The following NDUFAF1 variants were observed in gnomAD, a reference collection of about 807,000 sequenced individuals.
NDUFAF1 encodes NADH:ubiquinone oxidoreductase complex assembly factor 1, also known as complex I intermediate-associated protein 30, mitochondrial.
NDUFAF1 carries 18 observed loss-of-function variants against 28.7 expected under a neutral mutation model. That is an observed-to-expected ratio of 0.63 (90% CI 0.43 to 0.93). The LOEUF is 0.93. NDUFAF1 is among the 40% of genes least tolerant of loss of function. NDUFAF1 has a pLI of 0.00. For missense variants in NDUFAF1, 404 were observed against 398.3 expected, an observed-to-expected ratio of 1.01 and a Z score of -0.12; for synonymous variants, 113 against 139.7, an observed-to-expected ratio of 0.81 and a Z score of 1.35.
intron 3 of NDUFAF1, among the ~76,000 whole-genome samples, chr15:41,393,605 T>C (rs2050342411): frequency 7.0e-6 from 1 of 142,566 alleles, no homozygotes; most frequent in African/African-American, 2.7e-5. Context: ...TTTTTTGAGA[T>C]GGAGTCTCAC....
intron 3 of NDUFAF1, among the ~76,000 whole-genome samples, chr15:41,391,497 C>T (rs963000855): frequency 7.3e-5 from 11 of 151,542 alleles, no homozygotes; most frequent in African/African-American, 1.9e-4. Flanking sequence ...TTGTGGTACA[C>T]GCCTGTAGTC....
intron 3 of NDUFAF1, among the ~76,000 whole-genome samples, chr15:41,392,175 C>T (rs2050324844): frequency 1.3e-5 from 2 of 150,532 alleles, no homozygotes; most frequent in South Asian, 4.2e-4. Flanking sequence ...CAGGTTCAAG[C>T]GATTCTCCTG....
intron 2 of NDUFAF1, 71 bp downstream of exon 2, chr15:41,396,416 T>G (rs1432586288): frequency 2.8e-5 from 41 of 1,458,374 alleles, no homozygotes; most frequent in Non-Finnish European, 3.8e-5. Context: ...AAAAGCTATC[T>G]TCTATAGTTT....
At chr15:41,389,756 A>G (rs1448183379) in intron 3 of NDUFAF1, among the ~76,000 whole-genome samples, 1 of 151,852 alleles carries the variant, frequency 6.6e-6, no homozygotes, top group Non-Finnish European at 1.5e-5. Context: ...CAGAAGAGAG[A>G]CCCTGTCTCA....
intron 3 of NDUFAF1, among the ~76,000 whole-genome samples, chr15:41,388,941 T>G (rs8031243): frequency 0.015 from 2,264 of 152,244 alleles, 64 homozygotes; most frequent in African/African-American, 0.052. Context: ...CATTAGAAAC[T>G]GAACTAAAAG....
chr15:41,388,492 G>C lies in NDUFAF1; in HGVS notation c.790C>G (p.Arg264Gly), dbSNP rs765203135. 3.7e-6 allele frequency: 6 copies of C among 1,612,590 alleles called. No individual in the cohort carries two copies. The highest frequency in any genetic ancestry group is 5.1e-6 in the Non-Finnish European group (6 of 1,178,726). ...IPFSKFFFSN[R>G]GRIRDVQHEL... ...TGCTGAACATCCCGGATTCTTCCTC[G>C]ATTAGAGAAGAAAAATTTGGAAAAA... The change falls in exon 4 of 5, where the codon CGA becomes GGA. Residue 264 changes from arginine (R) to glycine (G), a missense_variant. Arg to Gly is a moderately radical substitution (Grantham distance 125, BLOSUM62 -2). Coordinates refer to ENST00000260361, the MANE Select transcript of NDUFAF1 (RefSeq NM_016013.4).
intron 3 of NDUFAF1, among the ~76,000 whole-genome samples, chr15:41,390,541 C>T (rs1440881712): frequency 6.6e-6 from 1 of 151,588 alleles, no homozygotes; most frequent in Middle Eastern, 3.4e-3. Flanking sequence ...CTGGCTAACA[C>T]GGCGAAACCC....
chr15:41,388,454 A>G lies in NDUFAF1; in HGVS notation c.828T>C (p.Leu276=). Reference sequence around the variant, plus strand: ...AAATACAGGAATATGTTACCTTATCAAGCGGAAGCTCATGCTGAACATCCC... The same window carrying G: ...AAATACAGGAATATGTTACCTTATCGAGCGGAAGCTCATGCTGAACATCCC... ...RIRDVQHELP[L]DKISSIGFTL... The change falls in exon 4 of 5, where the codon CTT becomes CTC. Residue 276 remains leucine (L), a synonymous_variant. Coordinates refer to ENST00000260361, the MANE Select transcript of NDUFAF1 (RefSeq NM_016013.4). 4 of 1,609,742 alleles carry G rather than the reference A, an allele frequency of 2.5e-6. No individual in the cohort carries two copies. The highest frequency in any genetic ancestry group is 1.1e-5 in the South Asian group (1 of 91,010).
chr15:41,388,410 T>C (rs1406097383), intron 4 of NDUFAF1, 38 bp downstream of exon 4: 1 of 1,471,176 alleles, frequency 6.8e-7, no homozygotes, highest in African/African-American at 1.4e-5. Context: ...TCATTAAAAA[T>C]GATACAGTTC....
chr15:41,398,688 A>C (rs971295434), intron 1 of NDUFAF1, among the ~76,000 whole-genome samples: 10 of 151,910 alleles, frequency 6.6e-5, no homozygotes, highest in Admixed American at 4.6e-4. Context: ...GGTGCCGTGC[A>C]TCACACCTGT....
rs571712362 is a variant in NDUFAF1 at position 41,397,892 on chromosome 15, G to A, written c.-81-752C>T. On this transcript the variant is annotated intron_variant, in intron 1 of 4. Coordinates refer to ENST00000260361, the MANE Select transcript of NDUFAF1 (RefSeq NM_016013.4). ...ATACAAAACTTAGCTGGGTGTGGTG[G>A]TGCGCACTTGTGGTCCCAGCTACTA... is the stretch of plus-strand genomic sequence containing the variant. Among the ~76,000 whole-genome samples, 207 of 151,590 alleles carry A rather than the reference G, an allele frequency of 1.4e-3. 1 individual carries two copies. Among genetic ancestry groups the A allele is most frequent in the African/African-American group, 5.0e-3 (205 of 41,340 alleles).
In NDUFAF1 at chr15:41,394,947, T is replaced by C; in HGVS notation, c.671A>G (p.Lys224Arg). The C allele has an allele frequency of 6.2e-7, 1 of 1,614,170 alleles. No individual in the cohort carries two copies. The highest frequency in any genetic ancestry group is 8.5e-7 in the Non-Finnish European group (1 of 1,180,032). Residue 224 changes from lysine (K) to arginine (R), a missense_variant, in exon 3 of 5, where the codon AAG becomes AGG. Lys to Arg is a conservative substitution (Grantham distance 26). Coordinates refer to ENST00000260361, the MANE Select transcript of NDUFAF1 (RefSeq NM_016013.4). ...GDGRPWMVNI[K>R]EDTDFFQRTN... ...CCTCTGGAAGAAATCTGTGTCCTCC[T>C]TGATATTCACCATCCAAGGCCGACC...
chr15:41,402,104 C>A, intron 1 of NDUFAF1, 40 bp downstream of exon 1: 1 of 425,896 alleles, frequency 2.3e-6, no homozygotes, highest in Non-Finnish European at 4.8e-6. Context: ...ATCCACGCAG[C>A]TAGAAGTGAG....
At chr15:41,391,192 T>C (rs749394994) in intron 3 of NDUFAF1, among the ~76,000 whole-genome samples, 86 of 151,896 alleles carry the variant, frequency 5.7e-4, no homozygotes, top group Non-Finnish European at 1.1e-3. Context: ...ATATAATTTG[T>C]GTTATATATC....
At chr15:41,394,186 G>A (rs1242216125) in intron 3 of NDUFAF1, 5 of 458,000 alleles carry the variant, frequency 1.1e-5, no homozygotes, top group Admixed American at 9.5e-5. Flanking sequence ...GCGCCACCAC[G>A]CCCAGCTAAT....
At chr15:41,388,252 G>T (rs2050275333) in intron 4 of NDUFAF1, among the ~76,000 whole-genome samples, 196 bp downstream of exon 4, 2 of 152,170 alleles carry the variant, frequency 1.3e-5, no homozygotes, top group South Asian at 4.1e-4. Flanking sequence ...GCTAAAAAAT[G>T]ATCCTTCTAA....
At chr15:41,394,018 A>ATTT (rs2050348875) in intron 3 of NDUFAF1, 5 of 200,880 alleles carry the variant, frequency 2.5e-5, no homozygotes, top group Non-Finnish European at 4.5e-5. Context: ...CTAGGACACT[A>ATTT]CTTTTTTTTT....
At chr15:41,399,096 TC>T (rs2050428765) in intron 1 of NDUFAF1, among the ~76,000 whole-genome samples, 1 of 151,768 alleles carries the variant, frequency 6.6e-6, no homozygotes, top group Admixed American at 6.6e-5. Context: ...TAAAACCCCG[TC>T]TCCATTAAAA....
chr15:41,402,728 C>CTTT (rs557825524), upstream of NDUFAF1, among the ~76,000 whole-genome samples: 34 of 120,882 alleles, frequency 2.8e-4, no homozygotes, highest in Admixed American at 6.6e-4. Context: ...ATCCCTGCGT[C>CTTT]TTTTTTTTTT....
Sources: allele counts gnomAD v4.1 joint callset (sites outside exome capture counted in the v4.1 genomes callset), GRCh38; gene constraint gnomAD v4.1.1; transcripts MANE v1.5; gene names NCBI Gene and HGNC (gene_info 2026-07-23, HGNC 2026-07-21).